TEAD1: variants seen among roughly 807,000 people sequenced by gnomAD.
TEAD1 encodes the protein transcriptional enhancer factor TEF-1.
Under a neutral mutation model 54.9 loss-of-function variants are expected in TEAD1, and 9 were observed. That is an observed-to-expected ratio of 0.16 (90% CI 0.10 to 0.29). The LOEUF is 0.29. Ranked by LOEUF, TEAD1 falls within the 10% of genes least tolerant of loss-of-function variation. The pLI is 1.00. For synonymous variants in TEAD1, 200 were observed against 187.8 expected (o/e 1.07, Z -0.53); for missense variants, 387 against 535.9 (o/e 0.72, Z 2.74).
At chr11:12,876,372 A>AT (rs1233198193) in intron 5 of TEAD1, among the ~76,000 whole-genome samples, 1 of 152,170 alleles carries the variant, frequency 6.6e-6, no homozygotes, top group African/African-American at 2.4e-5. Context: ...CAGGGAACTC[A>AT]TTTGGACCTG....
At chr11:12,927,645 A>C (rs1443415911) in intron 11 of TEAD1, among the ~76,000 whole-genome samples, 1 of 152,200 alleles carries the variant, frequency 6.6e-6, no homozygotes, top group Non-Finnish European at 1.5e-5. Flanking sequence ...AAAATTTTAT[A>C]TTAAATATTT....
intron 2 of TEAD1, among the ~76,000 whole-genome samples, chr11:12,754,775 A>G (rs1415247262): frequency 1.3e-5 from 2 of 152,138 alleles, no homozygotes; most frequent in Non-Finnish European, 2.9e-5. Flanking sequence ...ATCCTGATTC[A>G]GGTTTTCCTT....
At chr11:12,811,512 G>A (rs1946299277) in intron 3 of TEAD1, among the ~76,000 whole-genome samples, 1 of 152,190 alleles carries the variant, frequency 6.6e-6, no homozygotes, top group Non-Finnish European at 1.5e-5. Context: ...ATTTGTTGAG[G>A]ACTTTTCCTA....
intron 9 of TEAD1, among the ~76,000 whole-genome samples, chr11:12,900,033 T>C (rs1948395829): frequency 6.6e-6 from 1 of 152,204 alleles, no homozygotes; most frequent in South Asian, 2.1e-4. Context: ...TGAGAAACTC[T>C]AGATTATATG....
chr11:12,872,853 C>A (rs11022524), intron 5 of TEAD1, among the ~76,000 whole-genome samples: 2 of 152,004 alleles, frequency 1.3e-5, no homozygotes, highest in Admixed American at 1.3e-4. Flanking sequence ...CATTACCTGG[C>A]CCCCGTAGAC....
Position 12,722,376 on chromosome 11 carries a change from C to T in TEAD1, c.-54-41803C>T, listed in dbSNP as rs1010891638. Among the ~76,000 whole-genome samples the T allele has an allele frequency of 1.3e-5, 2 of 152,176 alleles. 1 individual carries two copies. Among genetic ancestry groups the T allele is most frequent in the South Asian group, 4.1e-4 (2 of 4,826 alleles). ...TGCACACCATGCACTGAGCCAGGTGCTTCTACACTCGCTGTTCCTCAAGAA... is the reference window on the plus strand; with the variant it reads ...TGCACACCATGCACTGAGCCAGGTGTTTCTACACTCGCTGTTCCTCAAGAA... On this transcript the variant is annotated intron_variant, in intron 2 of 12. Transcript: ENST00000527636.
intron 2 of TEAD1, among the ~76,000 whole-genome samples, chr11:12,757,043 T>G (rs1944997093): frequency 6.6e-6 from 1 of 152,242 alleles, no homozygotes; most frequent in Non-Finnish European, 1.5e-5. Flanking sequence ...ATCAAATGTT[T>G]GGTTGAGTTG....
At chr11:12,825,094 CAGTTCTGTTTCGTAA>C in intron 3 of TEAD1, among the ~76,000 whole-genome samples, 1 of 152,068 alleles carries the variant, frequency 6.6e-6, no homozygotes, top group Admixed American at 6.6e-5. Context: ...AATATTTAGC[CAGTTCTGTTTCGTAA>C]AGTCTTCAAG....
At chr11:12,802,801 G>T (rs974068471) in intron 3 of TEAD1, among the ~76,000 whole-genome samples, 1 of 152,194 alleles carries the variant, frequency 6.6e-6, no homozygotes, top group African/African-American at 2.4e-5. Context: ...TGCTTGCCCC[G>T]AGCCCTTTGT....
At chr11:12,759,901 T>C (rs1354443900) in intron 2 of TEAD1, among the ~76,000 whole-genome samples, 2 of 152,198 alleles carry the variant, frequency 1.3e-5, no homozygotes, top group African/African-American at 4.8e-5. Flanking sequence ...AAGACTTTTC[T>C]ATTCTCTTTC....
intron 10 of TEAD1, among the ~76,000 whole-genome samples, chr11:12,921,776 G>A (rs1345410045): frequency 2.0e-5 from 3 of 152,092 alleles, no homozygotes; most frequent in Non-Finnish European, 4.4e-5. Context: ...CCTCTGCCCT[G>A]GAGACTGGAG....
chr11:12,771,694 C>G (rs576545024), intron 3 of TEAD1, among the ~76,000 whole-genome samples: 13 of 152,138 alleles, frequency 8.5e-5, no homozygotes, highest in Non-Finnish European at 1.8e-4. Context: ...CTGCCTAGAG[C>G]TCAGTCAGAT....
At chr11:12,697,353 A>G (rs968993149) in intron 2 of TEAD1, among the ~76,000 whole-genome samples, 1 of 152,210 alleles carries the variant, frequency 6.6e-6, no homozygotes, top group African/African-American at 2.4e-5. Context: ...GGAGACCAGT[A>G]TGGTTGGGGA....
At chr11:12,888,444 G>C (rs750519531) in intron 9 of TEAD1, among the ~76,000 whole-genome samples, 11 of 152,180 alleles carry the variant, frequency 7.2e-5, no homozygotes, top group Non-Finnish European at 1.6e-4. Flanking sequence ...AAAAGGCGGA[G>C]GTGGCGGTGA....
intron 12 of TEAD1, among the ~76,000 whole-genome samples, chr11:12,932,261 G>A (rs1949024411): frequency 6.6e-6 from 1 of 152,126 alleles, no homozygotes; most frequent in Non-Finnish European, 1.5e-5. Context: ...TATAGCAGGT[G>A]CTTGACATAT....
intron 3 of TEAD1, among the ~76,000 whole-genome samples, chr11:12,840,600 T>C (rs1454671102): frequency 6.6e-6 from 1 of 152,208 alleles, no homozygotes. Flanking sequence ...TTCGGCTGTG[T>C]GCTCTTCCTG....
chr11:12,833,545 G>C (rs941787961), intron 3 of TEAD1, among the ~76,000 whole-genome samples: 4 of 151,922 alleles, frequency 2.6e-5, no homozygotes, highest in Admixed American at 6.6e-5. Context: ...TGTAAAATCT[G>C]AAAATGTGGA....
Position 12,880,501 on chromosome 11 carries a change from T to C in TEAD1, c.466-504T>C, listed in dbSNP as rs1947943166. On this transcript the variant is annotated intron_variant, in intron 6 of 12. Coordinates refer to ENST00000527636, the MANE Select transcript of TEAD1 (RefSeq NM_021961.6). Reference sequence around the variant, plus strand: ...GCTGCTCTTTCCCTCCTCTATGTCATGCCCCCTTTCCAGCCCACACCAATC... The same window carrying C: ...GCTGCTCTTTCCCTCCTCTATGTCACGCCCCCTTTCCAGCCCACACCAATC... 5.9e-5 allele frequency among the ~76,000 whole-genome samples: 9 copies of C among 152,228 alleles called. 1 individual carries two copies. Among genetic ancestry groups the C allele is most frequent in the Admixed American group, 5.9e-4 (9 of 15,286 alleles).
intron 10 of TEAD1, among the ~76,000 whole-genome samples, chr11:12,924,168 G>A (rs768361187): frequency 3.3e-5 from 5 of 152,112 alleles, no homozygotes; most frequent in Non-Finnish European, 5.9e-5. Context: ...CCAGGCCTTG[G>A]CCTGCACTGT....
Sources: allele counts gnomAD v4.1 joint callset (sites outside exome capture counted in the v4.1 genomes callset), GRCh38; gene constraint gnomAD v4.1.1; transcripts MANE v1.5; gene names NCBI Gene and HGNC (gene_info 2026-07-23, HGNC 2026-07-21).